Variants in CSMD1 observed in about 807,000 individuals in gnomAD.
The protein encoded by CSMD1 is CUB and sushi domain-containing protein 1.
Under a neutral mutation model 417.5 loss-of-function variants are expected in CSMD1, and 213 were observed. The observed-to-expected ratio is 0.51, with a 90% CI of 0.46 to 0.57. The LOEUF is 0.57. Ranked by LOEUF, CSMD1 falls within the 20% of genes least tolerant of loss-of-function variation. The pLI, the probability that CSMD1 is intolerant of heterozygous loss-of-function variation, is 0.00. For missense variants in CSMD1, 6,923 were observed against 4,529.7 expected, an observed-to-expected ratio of 1.53 and a Z score of -15.17; for synonymous variants, 2,862 against 1,736.8, an observed-to-expected ratio of 1.65 and a Z score of -16.11.
At chr8:4,138,958 C>T (rs1227734285) in intron 3 of CSMD1, among the ~76,000 whole-genome samples, 2 of 152,164 alleles carry the variant, frequency 1.3e-5, no homozygotes, top group South Asian at 2.1e-4. Context: ...CATTGTCGAA[C>T]ACTCGCCATG....
At chr8:4,977,381 G>T (rs548019280) in intron 1 of CSMD1, among the ~76,000 whole-genome samples, 1 of 152,244 alleles carries the variant, frequency 6.6e-6, no homozygotes, top group African/African-American at 2.4e-5. Flanking sequence ...CTCTCCTCAT[G>T]GCACAAGTTG....
chr8:3,077,798 C>T (rs1247726849), intron 49 of CSMD1, among the ~76,000 whole-genome samples: 5 of 152,330 alleles, frequency 3.3e-5, no homozygotes, highest in African/African-American at 1.2e-4. Context: ...GCCGCTGTGC[C>T]TCTTCAATGA....
chr8:4,875,548 C>A (rs951274030), intron 1 of CSMD1, among the ~76,000 whole-genome samples: 7 of 152,046 alleles, frequency 4.6e-5, no homozygotes, highest in Non-Finnish European at 8.8e-5. Context: ...CTGTCCAACT[C>A]AAGCAGAAGC....
intron 7 of CSMD1, among the ~76,000 whole-genome samples, chr8:3,648,110 T>G (rs997478198): frequency 6.6e-6 from 1 of 152,214 alleles, no homozygotes; most frequent in African/African-American, 2.4e-5. Context: ...AGGTGTCTCC[T>G]AAAAACAGAA....
intron 3 of CSMD1, among the ~76,000 whole-genome samples, chr8:4,176,137 T>A (rs1451444853): frequency 6.6e-6 from 1 of 151,978 alleles, no homozygotes; most frequent in Non-Finnish European, 1.5e-5. Context: ...CAGTCCACAT[T>A]TATAGGGGTG....
intron 3 of CSMD1, among the ~76,000 whole-genome samples, chr8:4,330,076 C>A (rs2128890012): frequency 6.6e-6 from 1 of 152,162 alleles, no homozygotes; most frequent in East Asian, 1.9e-4. Context: ...TCATATATTT[C>A]TTTAGAGCAA....
chr8:3,780,487 T>G (rs1799117002), intron 5 of CSMD1, among the ~76,000 whole-genome samples: 2 of 152,210 alleles, frequency 1.3e-5, no homozygotes, highest in Non-Finnish European at 2.9e-5. Context: ...GAATCGAGTA[T>G]CAGTAACCAT....
chr8:3,874,529 G>A (rs989863869), intron 5 of CSMD1, among the ~76,000 whole-genome samples: 7 of 152,194 alleles, frequency 4.6e-5, no homozygotes, highest in Non-Finnish European at 4.4e-5. Flanking sequence ...GGCGTTCATT[G>A]AAGACATACA....
intron 2 of CSMD1, among the ~76,000 whole-genome samples, chr8:4,479,278 T>A (rs1800962385): frequency 6.6e-6 from 1 of 152,182 alleles, no homozygotes; most frequent in South Asian, 2.1e-4. Context: ...AAAGTTGCAT[T>A]TGTTTGCTTG....
chr8:4,934,564 A>T (rs1015767215), intron 1 of CSMD1, among the ~76,000 whole-genome samples: 3 of 152,180 alleles, frequency 2.0e-5, no homozygotes, highest in African/African-American at 7.2e-5. Context: ...GGAGACTGCA[A>T]CATGGACAAA....
chr8:3,111,149 G>C (rs192653504), intron 42 of CSMD1, among the ~76,000 whole-genome samples: 3 of 152,282 alleles, frequency 2.0e-5, no homozygotes, highest in African/African-American at 7.2e-5. Flanking sequence ...TCGAAGGGCT[G>C]TCAAAGATTT....
chr8:4,106,327 G>A (rs1352738965), intron 3 of CSMD1, among the ~76,000 whole-genome samples: 5 of 152,152 alleles, frequency 3.3e-5, no homozygotes, highest in East Asian at 1.9e-4. Context: ...CTAAAAGGAA[G>A]TATCCACAAT....
intron 5 of CSMD1, among the ~76,000 whole-genome samples, chr8:3,787,236 CAAAA>C (rs1799499831): frequency 1.3e-5 from 2 of 151,832 alleles, no homozygotes; most frequent in South Asian, 4.2e-4. Flanking sequence ...AAAACAACAA[CAAAA>C]AAAGAATTTG....
intron 3 of CSMD1, among the ~76,000 whole-genome samples, chr8:4,116,041 C>T (rs1338196802): frequency 6.6e-6 from 1 of 151,314 alleles, no homozygotes; most frequent in African/African-American, 2.4e-5. Flanking sequence ...CACTCTGTCT[C>T]CCAGGCTAGA....
intron 3 of CSMD1, among the ~76,000 whole-genome samples, chr8:4,402,344 T>A (rs1804699598): frequency 6.6e-6 from 1 of 151,994 alleles, no homozygotes; most frequent in Admixed American, 6.6e-5. Flanking sequence ...ATCACACTCC[T>A]TCCCCTGACT....
intron 5 of CSMD1, among the ~76,000 whole-genome samples, chr8:3,829,807 T>G (rs576517162): frequency 1.3e-5 from 2 of 152,302 alleles, no homozygotes; most frequent in South Asian, 4.1e-4. Context: ...CCAACACTTC[T>G]TTGGCCACTG....
intron 3 of CSMD1, among the ~76,000 whole-genome samples, chr8:4,284,238 C>T (rs540870732): frequency 6.6e-6 from 1 of 152,162 alleles, no homozygotes; most frequent in East Asian, 1.9e-4. Flanking sequence ...CGTGGTGGCA[C>T]GTGCCTGTAA....
chr8:3,452,569 G>A (rs555390811), intron 12 of CSMD1, among the ~76,000 whole-genome samples: 1 of 152,194 alleles, frequency 6.6e-6, no homozygotes, highest in Non-Finnish European at 1.5e-5. Flanking sequence ...CATCTATTGA[G>A]ATAATCATGT....
At chr8:4,968,629 G>A (rs1405473715) in intron 1 of CSMD1, among the ~76,000 whole-genome samples, 1 of 152,090 alleles carries the variant, frequency 6.6e-6, no homozygotes, top group Non-Finnish European at 1.5e-5. Context: ...CCTCAGTGCT[G>A]ATTTCAAATA....
Sources: gnomAD v4.1 joint callset for allele counts (sites outside exome capture counted in the v4.1 genomes callset) on GRCh38, gnomAD v4.1.1 for gene constraint, MANE v1.5 for transcripts, NCBI Gene and HGNC (gene_info 2026-07-23, HGNC 2026-07-21) for gene names.